The following DACH2 variants were observed in gnomAD, a reference collection of about 807,000 sequenced individuals.
DACH2 encodes dachshund family transcription factor 2.
DACH2 carries 17 observed loss-of-function variants against 35.8 expected under a neutral mutation model. That is an observed-to-expected ratio of 0.48 (90% CI 0.33 to 0.71). The LOEUF (loss-of-function observed/expected upper bound fraction) is 0.71. DACH2 is among the 30% of genes least tolerant of loss of function. The pLI is 0.02. For synonymous variants in DACH2, 195 were observed against 177.3 expected, an observed-to-expected ratio of 1.10 and a Z score of -0.79; for missense variants, 469 against 472.7, an observed-to-expected ratio of 0.99 and a Z score of 0.07.
chrX:86,535,406 C>T (rs1189901878), intron 3 of DACH2, among the ~76,000 whole-genome samples: 5 of 111,618 alleles, frequency 4.5e-5, no homozygotes, highest in African/African-American at 1.6e-4. Flanking sequence ...TGAATAGACT[C>T]CTCTCTTGGC....
intron 3 of DACH2, among the ~76,000 whole-genome samples, chrX:86,552,530 C>A (rs1036522289): frequency 8.9e-6 from 1 of 111,946 alleles, no homozygotes; most frequent in African/African-American, 3.2e-5. Flanking sequence ...AAGATTAAAA[C>A]GCAAAACAAC....
chrX:86,240,041 A>T (rs1256254195), intron 1 of DACH2, among the ~76,000 whole-genome samples: 1 of 111,915 alleles, frequency 8.9e-6, no homozygotes, highest in Non-Finnish European at 1.9e-5. Flanking sequence ...TTCTTGTGTT[A>T]CAATTTCTCT....
chrX:86,683,528 G>T (rs2040907010), intron 4 of DACH2, among the ~76,000 whole-genome samples: 1 of 111,399 alleles, frequency 9.0e-6, no homozygotes, highest in South Asian at 3.7e-4. Flanking sequence ...CAAGTTTTTT[G>T]CACATGGCCA....
At chrX:86,346,367 C>T (rs1036348406) in intron 1 of DACH2, among the ~76,000 whole-genome samples, 20 of 108,489 alleles carry the variant, frequency 1.8e-4, no homozygotes, top group Non-Finnish European at 2.3e-4. Flanking sequence ...GTATCACTTT[C>T]GCATCTCAGG....
At chrX:86,155,623 G>A (rs1336687021) in intron 1 of DACH2, among the ~76,000 whole-genome samples, 4 of 111,013 alleles carry the variant, frequency 3.6e-5, no homozygotes, top group Non-Finnish European at 7.6e-5. Flanking sequence ...AATATTGTAG[G>A]TGATATAACT....
chrX:86,781,381 T>C lies in DACH2; in HGVS notation c.1241-31475T>C, dbSNP rs753993566. On this transcript the variant is annotated intron_variant, in intron 7 of 11. Transcript: ENST00000373125. ...TCATTATGTTCCTTGGTTCTCCATATATGGTCAAAGTATTATGTATAGAGT... is the reference window on the plus strand; with the variant it reads ...TCATTATGTTCCTTGGTTCTCCATACATGGTCAAAGTATTATGTATAGAGT... Among the ~76,000 whole-genome samples, 4 of 111,748 alleles carry C rather than the reference T, an allele frequency of 3.6e-5. No individual in the cohort carries two copies. The East Asian group carries it at 8.5e-4, about 24-fold the overall frequency.
intron 1 of DACH2, among the ~76,000 whole-genome samples, chrX:86,251,214 A>G (rs1432231230): frequency 1.8e-5 from 2 of 111,667 alleles, no homozygotes; most frequent in African/African-American, 6.5e-5. Flanking sequence ...AGATGGTCTA[A>G]GAAATCTCCA....
At chrX:86,449,328 G>T (rs2037323682) in intron 2 of DACH2, among the ~76,000 whole-genome samples, 1 of 96,835 alleles carries the variant, frequency 1.0e-5, no homozygotes, top group Non-Finnish European at 2.1e-5. Context: ...GTTATTTGTT[G>T]CCTTCTGCTA....
In DACH2 at chrX:86,270,037, A is replaced by AT. The variant is rs1360660733; in HGVS notation, c.489-106786dup. ...ATATATATATATTATATATATATAT[A>AT]TATTTTTTTTTTTTCCTAAAGAGTT... On this transcript the variant is annotated intron_variant, in intron 1 of 11. Transcript: ENST00000373125. Among the ~76,000 whole-genome samples the AT allele has an allele frequency of 5.5e-3, 531 of 95,733 alleles. 8 individuals carry two copies. The highest frequency in any genetic ancestry group is 0.019 in the African/African-American group (462 of 24,161). The allele number at this position is 95,733 out of a possible 115,157, so 83.1% of individuals were successfully genotyped here.
chrX:86,701,623 C>A (rs1052488203), intron 5 of DACH2, among the ~76,000 whole-genome samples: 1 of 111,438 alleles, frequency 9.0e-6, no homozygotes, highest in African/African-American at 3.3e-5. Flanking sequence ...CCCAAATGCC[C>A]GTCAACAGTA....
chrX:86,305,680 C>A (rs1465443929), intron 1 of DACH2, among the ~76,000 whole-genome samples: 2 of 109,975 alleles, frequency 1.8e-5, no homozygotes, highest in East Asian at 2.9e-4. Flanking sequence ...ATGCGTCTGA[C>A]AAGGGGTCGA....
intron 1 of DACH2, among the ~76,000 whole-genome samples, chrX:86,322,422 C>T (rs1182148631): frequency 9.0e-6 from 1 of 110,582 alleles, no homozygotes; most frequent in Non-Finnish European, 1.9e-5. Flanking sequence ...TTAGTGTGAC[C>T]CAGGGTGGAG....
At chrX:86,668,337 A>T (rs968635294) in intron 4 of DACH2, among the ~76,000 whole-genome samples, 1 of 112,172 alleles carries the variant, frequency 8.9e-6, no homozygotes, top group Admixed American at 9.5e-5. Context: ...AACTAATGAC[A>T]AAATGCAAGT....
chrX:86,399,975 T>G (rs1158247426), intron 2 of DACH2, among the ~76,000 whole-genome samples: 1 of 111,950 alleles, frequency 8.9e-6, no homozygotes, highest in African/African-American at 3.3e-5. Context: ...CTGCAGAGTG[T>G]TTTCCAACTT....
intron 1 of DACH2, among the ~76,000 whole-genome samples, chrX:86,165,369 G>A (rs746241204): frequency 3.3e-4 from 37 of 111,043 alleles, no homozygotes; most frequent in Admixed American, 4.8e-4. Flanking sequence ...GGGATCATAC[G>A]GTAGCTCAAA....
chrX:86,413,602 C>T (rs186225815), intron 2 of DACH2, among the ~76,000 whole-genome samples: 182 of 111,629 alleles, frequency 1.6e-3, no homozygotes, highest in Admixed American at 3.0e-3. Context: ...CTTTCAAGTC[C>T]TTGATGCTGG....
At chrX:86,719,949 T>TTTTTCTTTTTG (rs2041384059) in intron 6 of DACH2, among the ~76,000 whole-genome samples, 1 of 101,127 alleles carries the variant, frequency 9.9e-6, no homozygotes, top group Admixed American at 1.1e-4. Flanking sequence ...TTTTCTTTTT[T>TTTTTCTTTTTG]TTTTTTTTAG....
At chrX:86,237,895 C>G (rs1037290804) in intron 1 of DACH2, among the ~76,000 whole-genome samples, 7 of 111,805 alleles carry the variant, frequency 6.3e-5, no homozygotes, top group Non-Finnish European at 1.1e-4. Flanking sequence ...TGACAGAGCC[C>G]CAAAGAGACT....
At chrX:86,433,106 T>C (rs989022973) in intron 2 of DACH2, among the ~76,000 whole-genome samples, 3 of 111,892 alleles carry the variant, frequency 2.7e-5, no homozygotes, top group Non-Finnish European at 5.6e-5. Context: ...CTACCTCTAG[T>C]GTTATTTTAA....
Sources: allele counts gnomAD v4.1 joint callset (sites outside exome capture counted in the v4.1 genomes callset), GRCh38; gene constraint gnomAD v4.1.1; transcripts MANE v1.5; gene names NCBI Gene and HGNC (gene_info 2026-07-23, HGNC 2026-07-21).